The following RBFOX1 variants were observed in gnomAD, a reference collection of about 807,000 sequenced individuals.
RBFOX1 encodes RNA binding fox-1 homolog 1.
A neutral mutation model predicts 57.7 loss-of-function variants in RBFOX1; 8 were observed. That is an observed-to-expected ratio of 0.14 (90% CI 0.08 to 0.25). RBFOX1 has a LOEUF of 0.25. Ranked by LOEUF, RBFOX1 falls within the 10% of genes least tolerant of loss-of-function variation. The pLI is 1.00. For synonymous variants in RBFOX1, 326 were observed against 222.4 expected (o/e 1.47, Z -4.15); for missense variants, 611 against 548.5 (o/e 1.11, Z -1.14).
chr16:6,526,456 C>G (rs78676571), intron 2 of RBFOX1, among the ~76,000 whole-genome samples: 2,370 of 152,228 alleles, frequency 0.016, 47 homozygotes, highest in African/African-American at 0.049. Context: ...AGAAGGCGGT[C>G]ATTCATGCTA....
intron 2 of RBFOX1, among the ~76,000 whole-genome samples, chr16:6,411,560 A>G (rs999168393): frequency 3.3e-5 from 5 of 152,302 alleles, no homozygotes; most frequent in African/African-American, 1.2e-4. Flanking sequence ...TTCTATGGCC[A>G]TGGACATTAT....
intron 1 of RBFOX1, among the ~76,000 whole-genome samples, chr16:6,136,000 G>A (rs1470608774): frequency 2.6e-5 from 4 of 151,730 alleles, no homozygotes; most frequent in South Asian, 2.1e-4. Context: ...TCACCATGTC[G>A]GCCAGGCTGG....
At chr16:7,028,768 G>C (rs1172167198) in intron 3 of RBFOX1, among the ~76,000 whole-genome samples, 2 of 151,602 alleles carry the variant, frequency 1.3e-5, no homozygotes, top group Non-Finnish European at 2.9e-5. Context: ...GGTTCGTAAT[G>C]TGAGTTTGGA....
intron 13 of RBFOX1, among the ~76,000 whole-genome samples, chr16:7,671,110 T>G (rs934716033): frequency 3.3e-5 from 5 of 152,194 alleles, no homozygotes; most frequent in African/African-American, 4.8e-5. Flanking sequence ...GTAAAGGCAT[T>G]TATGCAGTTA....
chr16:7,031,261 T>C (rs2042715243), intron 3 of RBFOX1, among the ~76,000 whole-genome samples: 1 of 152,130 alleles, frequency 6.6e-6, no homozygotes, highest in South Asian at 2.1e-4. Context: ...ATGTCAACTT[T>C]GGCAGGTTGT....
chr16:7,222,294 C>G (rs375813182), intron 4 of RBFOX1, among the ~76,000 whole-genome samples: 2 of 152,200 alleles, frequency 1.3e-5, no homozygotes, highest in Non-Finnish European at 2.9e-5. Context: ...TAATACTACA[C>G]TAGACAGGCA....
chr16:5,756,330 C>T (rs1337922765), intron 3 of RBFOX1, among the ~76,000 whole-genome samples: 1 of 149,950 alleles, frequency 6.7e-6, no homozygotes, highest in African/African-American at 2.5e-5. Flanking sequence ...AGGAAAAGGG[C>T]AAGCAAACTG....
intron 2 of RBFOX1, among the ~76,000 whole-genome samples, chr16:6,320,144 G>T (rs1039889538): frequency 6.6e-6 from 1 of 152,116 alleles, no homozygotes; most frequent in South Asian, 2.1e-4. Context: ...GAGACAGAAA[G>T]AACTAAAAAG....
intron 1 of RBFOX1, among the ~76,000 whole-genome samples, chr16:6,195,087 G>T (rs2097171113): frequency 6.6e-6 from 1 of 152,122 alleles, no homozygotes; most frequent in Non-Finnish European, 1.5e-5. Context: ...AGATGTTAGG[G>T]TTCACAGTTT....
chr16:5,638,549 G>A (rs1048064897), intron 3 of RBFOX1, among the ~76,000 whole-genome samples: 1 of 152,150 alleles, frequency 6.6e-6, no homozygotes, highest in Non-Finnish European at 1.5e-5. Context: ...TGGCATCTTT[G>A]GGGCCTAAAG....
rs139251660 is a variant in RBFOX1 at position 7,579,796 on chromosome 16, C to G, written c.290C>G (p.Pro97Arg). 1 of 1,614,002 alleles carries G rather than the reference C, an allele frequency of 6.2e-7. No individual in the cohort carries two copies. Among genetic ancestry groups the G allele is most frequent in the Non-Finnish European group, 8.5e-7 (1 of 1,179,960 alleles). ...GTATQTDDAA[P>R]TDGQPQTQPS... ...TTTTAGCAGACAGATGACGCAGCAC[C>G]GACGGATGGCCAGCCCCAGACACAA... Residue 97 changes from proline (P) to arginine (R), a missense_variant, in exon 6 of 16, where the codon CCG becomes CGG. This residue lies in a region of RBFOX1 where 245 missense variants were observed against 159.1 expected (regional missense o/e 1.54). Transcript: ENST00000550418.
rs968021207 is a variant in RBFOX1, at chr16:5,939,919, G to A, written c.351+72584G>A. ...GGCTTCACAGTCAAGCAGACTTGGGGTAGAATCTTGACTCTAGAGCCTACT... is the reference window on the plus strand; with the variant it reads ...GGCTTCACAGTCAAGCAGACTTGGGATAGAATCTTGACTCTAGAGCCTACT... On this transcript the variant is annotated intron_variant, in intron 4 of 19. Coordinates refer to the RBFOX1 transcript ENST00000641259. Among the ~76,000 whole-genome samples, 44 of 152,184 alleles carry A rather than the reference G, an allele frequency of 2.9e-4. 1 individual carries two copies. Among genetic ancestry groups the A allele is most frequent in the African/African-American group, 9.4e-4 (39 of 41,444 alleles).
chr16:7,147,552 A>G (rs935132309), intron 4 of RBFOX1, among the ~76,000 whole-genome samples: 2 of 152,058 alleles, frequency 1.3e-5, no homozygotes, highest in Admixed American at 1.3e-4. Flanking sequence ...TCCCACTTAC[A>G]AGTGAGAATA....
At chr16:5,350,412 G>A (rs1052379062) in intron 1 of RBFOX1, among the ~76,000 whole-genome samples, 2 of 152,224 alleles carry the variant, frequency 1.3e-5, no homozygotes, top group Non-Finnish European at 2.9e-5. Flanking sequence ...CTGACACACA[G>A]CAGGAATGGG....
chr16:7,009,590 C>T (rs902111772), intron 3 of RBFOX1, among the ~76,000 whole-genome samples: 2 of 152,094 alleles, frequency 1.3e-5, no homozygotes, highest in Non-Finnish European at 2.9e-5. Flanking sequence ...GATGCCACAT[C>T]CAGCTAATCC....
chr16:6,915,637 G>T (rs999727886), intron 3 of RBFOX1, among the ~76,000 whole-genome samples: 2 of 144,924 alleles, frequency 1.4e-5, no homozygotes, highest in African/African-American at 2.6e-5. Flanking sequence ...TGCAACCTCT[G>T]CCTCTCGGGT....
At chr16:7,658,576 C>T (rs2066905478) in intron 12 of RBFOX1, among the ~76,000 whole-genome samples, 1 of 152,118 alleles carries the variant, frequency 6.6e-6, no homozygotes, top group Admixed American at 6.5e-5. Flanking sequence ...CAAGTGGAGG[C>T]TTTGGAGACA....
intron 2 of RBFOX1, among the ~76,000 whole-genome samples, chr16:5,545,805 T>C (rs1023602712): frequency 6.6e-6 from 1 of 152,196 alleles, no homozygotes; most frequent in Non-Finnish European, 1.5e-5. Context: ...TTATCACTTT[T>C]TTCACACTGT....
At chr16:5,362,339 C>T (rs191400753) in intron 1 of RBFOX1, among the ~76,000 whole-genome samples, 34 of 152,110 alleles carry the variant, frequency 2.2e-4, no homozygotes, top group African/African-American at 4.1e-4. Flanking sequence ...TACAGGTGCA[C>T]GCCACCACGC....
Sources: allele counts gnomAD v4.1 joint callset (sites outside exome capture counted in the v4.1 genomes callset), GRCh38; gene constraint gnomAD v4.1.1; regional missense constraint gnomAD v4.1.1; transcripts MANE v1.5; gene names NCBI Gene and HGNC (gene_info 2026-07-23, HGNC 2026-07-21).